RELN: variants seen among roughly 807,000 people sequenced by gnomAD.
RELN encodes reelin.
Under a neutral mutation model 427.6 loss-of-function variants are expected in RELN, and 108 were observed. The observed-to-expected ratio is 0.25, with a 90% CI of 0.22 to 0.30. RELN has a LOEUF of 0.30. Among genes scored for constraint, RELN ranks in the 10% least tolerant of loss-of-function variants. The pLI is 1.00. For missense variants in RELN, 3,715 were observed against 4,302.8 expected (o/e 0.86, Z 3.82); for synonymous variants, 1,524 against 1,513.4 (o/e 1.01, Z -0.16).
In RELN at chr7:103,640,327, GAATGCTAAATTTGTCCAC is replaced by G. The variant is rs1316516094; in HGVS notation, c.2069+198_2069+215del. On this transcript the variant is annotated intron_variant, in intron 17 of 64. Transcript: ENST00000428762. The surrounding 1 kb of genome is among the most constrained non-coding windows in gnomAD (Gnocchi z 4.1). Reference sequence around the variant, plus strand: ...CAATTTGTTCACAAATTCACATGAGGAATGCTAAATTTGTCCACAATTTAGCCTAATATAAAATGTATT... The same window carrying G: ...CAATTTGTTCACAAATTCACATGAGGAATTTAGCCTAATATAAAATGTATT... Among the ~76,000 whole-genome samples, 15 of 152,106 alleles carry G rather than the reference GAATGCTAAATTTGTCCAC, an allele frequency of 9.9e-5. No individual in the cohort carries two copies. The highest frequency in any genetic ancestry group is 3.1e-4 in the African/African-American group (13 of 41,422).
At position 103,490,767 on chromosome 7, in the gene RELN, C is replaced by A; in HGVS notation, c.9506G>T (p.Cys3169Phe). ...GGCTTCATGGAACTGGAAAGGGGAG[C>A]AGCCAATGCTGTTAGAAGAGGAAGG... ...CLPSSSNSIG[C>F]SPFQFHEATI... is the part of the protein sequence containing the mutation. Residue 3169 changes from cysteine (C) to phenylalanine (F), a missense_variant, in exon 59 of 65, where the codon TGC becomes TTC. Around this residue, in one of 4 missense-constraint regions of RELN, gnomAD observed 1,310 missense variants for 1,643.0 expected, o/e 0.80. Coordinates refer to ENST00000428762, the MANE Select transcript of RELN (RefSeq NM_005045.4). The A allele has an allele frequency of 6.2e-7, 1 of 1,614,010 alleles. No homozygotes were observed. Among genetic ancestry groups the A allele is most frequent in the Non-Finnish European group, 8.5e-7 (1 of 1,180,022 alleles).
intron 1 of RELN, among the ~76,000 whole-genome samples, chr7:103,947,183 T>C (rs1328609905): frequency 6.6e-6 from 1 of 152,192 alleles, no homozygotes; most frequent in East Asian, 1.9e-4. Context: ...CTGTGACTCA[T>C]TATACCTTAC....
At chr7:103,852,672 T>TTTG (rs34952499) in intron 2 of RELN, among the ~76,000 whole-genome samples, 39,336 of 151,600 alleles carry the variant, frequency 0.26, 5,157 homozygotes, top group South Asian at 0.38. Context: ...CACCTTTGTT[T>TTTG]TTGTTGTTGT....
rs1347439414 is a variant in RELN at position 103,801,753 on chromosome 7, G to C, written c.474-25126C>G. On this transcript the variant is annotated intron_variant, in intron 3 of 64. Transcript: ENST00000428762. ...AAAAAAAAAAAGTGACAACCTCTCT[G>C]TGCCCCACTAATGATAGTACCCACC... 5.9e-5 allele frequency among the ~76,000 whole-genome samples: 9 copies of C among 151,308 alleles called. No individual in the cohort carries two copies. The East Asian group carries it at 1.7e-3, about 29-fold the overall frequency.
intron 1 of RELN, among the ~76,000 whole-genome samples, chr7:103,933,198 G>A (rs912248725): frequency 6.6e-6 from 1 of 152,112 alleles, no homozygotes; most frequent in Non-Finnish European, 1.5e-5. Context: ...ATAAACAATA[G>A]TAAAAGGTAG....
chr7:103,508,437 C>T (rs114256246), intron 51 of RELN, among the ~76,000 whole-genome samples: 7,205 of 152,250 alleles, frequency 0.047, 238 homozygotes, highest in East Asian at 0.17. Flanking sequence ...AAAAGGCCTT[C>T]GCCAATATTC....
intron 6 of RELN, among the ~76,000 whole-genome samples, chr7:103,734,306 A>T (rs919719495): frequency 6.6e-5 from 10 of 152,154 alleles, no homozygotes; most frequent in Admixed American, 4.6e-4. Context: ...TCTCAACCTA[A>T]GGATCAGAAA....
chr7:103,622,503 C>T (rs1490673190), intron 20 of RELN, among the ~76,000 whole-genome samples: 1 of 152,192 alleles, frequency 6.6e-6, no homozygotes, highest in African/African-American at 2.4e-5. Context: ...CATCACTCCC[C>T]TGCTCCAAAT....
rs377181911 is a variant in RELN, at chr7:103,574,121, C to T, written c.4482G>A (p.Arg1494=). The stretch of plus-strand genomic sequence containing the variant: ...TATTCCTGGTGTCCAGAGGGACCGT[C>T]CGGGCTTCCCTTTTCCCAGGGCCAT... ...YFNGPGKREA[R]TVPLDTRNIR... Residue 1494 remains arginine, a synonymous_variant, in exon 30 of 65, where the codon CGG becomes CGA. Transcript: ENST00000428762. The T allele has an allele frequency of 2.5e-6, 4 of 1,614,060 alleles. No individual in the cohort carries two copies. Among genetic ancestry groups the T allele is most frequent in the Non-Finnish European group, 3.4e-6 (4 of 1,180,018 alleles).
intron 1 of RELN, among the ~76,000 whole-genome samples, chr7:103,921,150 T>A (rs1423507931): frequency 6.6e-6 from 1 of 152,150 alleles, no homozygotes; most frequent in African/African-American, 2.4e-5. Context: ...TAGAAATAGT[T>A]CTCCCTTGAC....
chr7:103,832,388 T>A (rs1225725949), intron 3 of RELN, among the ~76,000 whole-genome samples: 1 of 152,036 alleles, frequency 6.6e-6, no homozygotes, highest in African/African-American at 2.4e-5. Context: ...TTCTAGACAG[T>A]TGGGACAAAT....
chr7:103,561,613 A>G lies in RELN; in HGVS notation c.5448T>C (p.Leu1816=), dbSNP rs1830643215. Residue 1816 remains leucine (L), a synonymous_variant, in exon 36 of 65, where the codon CTT becomes CTC. Coordinates refer to ENST00000428762, the MANE Select transcript of RELN (RefSeq NM_005045.4). The stretch of plus-strand genomic sequence containing the variant: ...TCTCTGCACCATACACTTCAGGCCA[A>G]AGGTCAGGATGTAAATTCCCATTGA... The part of the protein sequence containing the change: ...DDFNGNLHPD[L]WPEVYGAERG... The G allele has an allele frequency of 6.2e-7, 1 of 1,613,836 alleles. No individual in the cohort carries two copies. The highest frequency in any genetic ancestry group is 1.3e-5 in the African/African-American group (1 of 74,884).
intron 2 of RELN, among the ~76,000 whole-genome samples, chr7:103,894,886 T>C (rs1470069824): frequency 4.6e-5 from 7 of 152,296 alleles, no homozygotes; most frequent in African/African-American, 1.7e-4. Context: ...TGTAATGACC[T>C]GACCTCTGCC....
chr7:103,911,041 G>C lies in RELN; in HGVS notation c.337+6034C>G, dbSNP rs1018986917. ...ACTAAAGAGCTTCTGCACAGCAAAA[G>C]AAACTACCATCAGAGTGAACAGGCA... On this transcript the variant is annotated intron_variant, in intron 2 of 64. Transcript: ENST00000428762. 5.4e-4 allele frequency among the ~76,000 whole-genome samples: 77 copies of C among 141,736 alleles called. 1 individual carries two copies. The highest frequency in any genetic ancestry group is 2.3e-3 in the Admixed American group (32 of 14,136). 93.0% of individuals were successfully genotyped at this position (141,736 alleles called of 152,430 possible). A position where few individuals can be genotyped will look rare whatever the true frequency, so the allele number is the denominator to read the frequency against.
At position 103,561,635 on chromosome 7, in the gene RELN, T is replaced by C. The variant is rs778952398; in HGVS notation, c.5426A>G (p.Asn1809Ser). 37 of 1,613,836 alleles carry C rather than the reference T, an allele frequency of 2.3e-5. No individual in the cohort carries two copies. The South Asian group carries it at 2.7e-4, about 12-fold the overall frequency. Residue 1809 changes from asparagine to serine, a missense_variant, in exon 36 of 65, where the codon AAT becomes AGT. By Grantham distance (46) the Asn-to-Ser change is conservative. This residue lies in a region of RELN where 2,208 missense variants were observed against 2,361.7 expected (regional missense o/e 0.93). Coordinates refer to ENST00000428762, the MANE Select transcript of RELN (RefSeq NM_005045.4). ...PLPSILKDDF[N>S]GNLHPDLWPE... ...CCAAAGGTCAGGATGTAAATTCCCATTGAAATCGTCTTTAAGAATCGAGGG... is the reference window on the plus strand; with the variant it reads ...CCAAAGGTCAGGATGTAAATTCCCACTGAAATCGTCTTTAAGAATCGAGGG...
chr7:103,724,846 TTC>T (rs1313975029), intron 7 of RELN, among the ~76,000 whole-genome samples: 17 of 152,078 alleles, frequency 1.1e-4, no homozygotes, highest in Admixed American at 9.8e-4. Flanking sequence ...ATGAAATCTA[TTC>T]TGAGATCTAT....
At chr7:103,669,102 A>T (rs1009345110) in intron 11 of RELN, among the ~76,000 whole-genome samples, 1 of 152,176 alleles carries the variant, frequency 6.6e-6, no homozygotes, top group Non-Finnish European at 1.5e-5. Context: ...ATAACTTTTA[A>T]TCTTTATTTA....
At chr7:103,847,712 A>G (rs1215809484) in intron 2 of RELN, among the ~76,000 whole-genome samples, 1 of 152,182 alleles carries the variant, frequency 6.6e-6, no homozygotes, top group Non-Finnish European at 1.5e-5. Context: ...GTTTTGTTTT[A>G]AAGAAAGCCT....
At chr7:103,883,059 C>T (rs543536511) in intron 2 of RELN, among the ~76,000 whole-genome samples, 1 of 152,270 alleles carries the variant, frequency 6.6e-6, no homozygotes, top group Non-Finnish European at 1.5e-5. Flanking sequence ...CAAACCAAAT[C>T]CAGCAGCACA....
Sources: gnomAD v4.1 joint callset for allele counts (sites outside exome capture counted in the v4.1 genomes callset) on GRCh38, gnomAD v4.1.1 for gene constraint, gnomAD v4.1.1 regional missense constraint, Gnocchi (gnomAD v3.1) non-coding constraint, MANE v1.5 for transcripts, NCBI Gene and HGNC (gene_info 2026-07-23, HGNC 2026-07-21) for gene names.